Variants in CHMP5 observed in about 807,000 individuals in gnomAD.
CHMP5 encodes charged multivesicular body protein 5.
Under a neutral mutation model 33.0 loss-of-function variants are expected in CHMP5, and 17 were observed. The ratio of observed to expected loss-of-function variants is 0.52; its 90% CI spans 0.35 to 0.77. The LOEUF (loss-of-function observed/expected upper bound fraction) is 0.77, where lower values mean the gene tolerates loss of function less well. CHMP5 is among the 30% of genes least tolerant of loss of function. The probability of loss-of-function intolerance (pLI) is 0.01; values close to 1 mark genes in which losing one functional copy is unlikely to be tolerated. For missense variants in CHMP5, 216 were observed against 261.5 expected, an observed-to-expected ratio of 0.83 and a Z score of 1.20; for synonymous variants, 76 against 90.2, an observed-to-expected ratio of 0.84 and a Z score of 0.89.
In CHMP5 at chr9:33,281,978, G is replaced by A. The variant is rs1449956345; in HGVS notation, c.*1119G>A. On this transcript the variant is annotated 3_prime_UTR_variant, in exon 8 of 8. Coordinates refer to ENST00000223500, the MANE Select transcript of CHMP5 (RefSeq NM_016410.6). ...TCATTCAACTTGTTGCCAACAGCAT[G>A]GCCCCTCCAGCCTAGCTGGGTGCCT... 6.6e-6 allele frequency: 1 copy of A among 152,176 alleles called. No individual in the cohort carries two copies. 9.4% of individuals were successfully genotyped at this position (152,176 alleles called of 1,614,324 possible).
In CHMP5 at chr9:33,272,425, C is replaced by G. The variant is rs117341273; in HGVS notation, c.387+1202C>G. Among the ~76,000 whole-genome samples, 61 of 149,010 alleles carry G rather than the reference C, an allele frequency of 4.1e-4. 1 individual carries two copies. Among genetic ancestry groups the G allele is most frequent in the African/African-American group, 1.5e-3 (59 of 40,340 alleles). On this transcript the variant is annotated intron_variant, in intron 5 of 7. Transcript: ENST00000223500. The stretch of plus-strand genomic sequence containing the variant: ...AAAAAAAAAAAGAGAGAAAGCAGTA[C>G]AGCCTGATTCAAGCAGTGTTTGTTA...
intron 2 of CHMP5, 134 bp downstream of exon 2, chr9:33,266,248 G>A: frequency 5.9e-6 from 3 of 509,116 alleles, no homozygotes; most frequent in Non-Finnish European, 1.1e-5. Flanking sequence ...TGAGGCGGGT[G>A]GATCACGAGG....
chr9:33,281,070 T>G lies in CHMP5; in HGVS notation c.*211T>G, dbSNP rs1000666029. On this transcript the variant is annotated 3_prime_UTR_variant, in exon 8 of 8. Transcript: ENST00000223500. ...TAAAATTTGATTCCTTTTTTTCTTA[T>G]GAAAAACGAACTCAGTTTAAAAGTA... 4 of 449,104 alleles carry G rather than the reference T, an allele frequency of 8.9e-6. No homozygotes were observed. The Admixed American group carries it at 1.6e-4, about 18-fold the overall frequency. 27.8% of individuals were successfully genotyped at this position (449,104 alleles called of 1,614,324 possible).
chr9:33,267,311 C>T (rs1820738960), intron 2 of CHMP5, among the ~76,000 whole-genome samples: 1 of 152,196 alleles, frequency 6.6e-6, no homozygotes, highest in Non-Finnish European at 1.5e-5. Context: ...AAGCCCAAAC[C>T]ATGGTGGTAG....
chr9:33,280,031 G>A (rs1468962947), intron 7 of CHMP5, among the ~76,000 whole-genome samples: 1 of 152,004 alleles, frequency 6.6e-6, no homozygotes, highest in Non-Finnish European at 1.5e-5. Context: ...AGGCTGGAGT[G>A]CAGTGGCACA....
intron 5 of CHMP5, 135 bp downstream of exon 5, chr9:33,271,358 G>C: frequency 1.4e-6 from 1 of 690,782 alleles, no homozygotes; most frequent in Non-Finnish European, 2.5e-6. Context: ...GTAACTTCGA[G>C]AAAGGGTACC....
chr9:33,269,922 C>T (rs1185054998), intron 3 of CHMP5, among the ~76,000 whole-genome samples: 2 of 151,402 alleles, frequency 1.3e-5, no homozygotes, highest in African/African-American at 2.4e-5. Context: ...TGCAGTGAGC[C>T]GAGATCGTAC....
intron 6 of CHMP5, among the ~76,000 whole-genome samples, chr9:33,276,891 C>G (rs78943456): frequency 0.015 from 2,293 of 152,202 alleles, 36 homozygotes; most frequent in Middle Eastern, 0.027. Flanking sequence ...TCCTCTCCCT[C>G]AGAACAGCAA....
chr9:33,270,586 G>T (rs199987774), intron 3 of CHMP5, 37 bp from the exon 4 acceptor site: 1 of 1,450,072 alleles, frequency 6.9e-7, no homozygotes, highest in Non-Finnish European at 9.7e-7. Context: ...TTTCTATCTG[G>T]TTCATATATT....
At chr9:33,265,776 A>G (rs1820710299) in intron 1 of CHMP5, among the ~76,000 whole-genome samples, 1 of 152,096 alleles carries the variant, frequency 6.6e-6, no homozygotes, top group Non-Finnish European at 1.5e-5. Flanking sequence ...TTCTGCCCCA[A>G]CCCACTTGAA....
chr9:33,276,669 T>TGATA, intron 6 of CHMP5, 105 bp downstream of exon 6: 1 of 674,264 alleles, frequency 1.5e-6, no homozygotes, highest in Non-Finnish European at 2.6e-6. Flanking sequence ...CAGGATTTCC[T>TGATA]GAAGGTTAGT....
intron 5 of CHMP5, among the ~76,000 whole-genome samples, chr9:33,272,407 A>G (rs1820805072): frequency 6.6e-6 from 1 of 152,018 alleles, no homozygotes. Flanking sequence ...AAAAAAAAAA[A>G]AAAGAGAGAA....
At position 33,278,212 on chromosome 9, in the gene CHMP5, A is replaced by T. The variant is rs991750754; in HGVS notation, c.596A>T (p.Asp199Val). Reference protein sequence around the residue: ...APAIPEGVPTDTKNKDGVLVD... With the variant: ...APAIPEGVPTVTKNKDGVLVD... ...GCAATTCCAGAAGGTGTTCCCACTG[A>T]TACAAAAAACAAGGTGAAAGCTTTT... The change falls in exon 7 of 8, where the codon GAT (aspartate) becomes GTT (valine). Residue 199 changes from aspartate (D) to valine (V), a missense_variant. Transcript: ENST00000223500. 1.9e-6 allele frequency: 3 copies of T among 1,604,756 alleles called. No homozygotes were observed. The highest frequency in any genetic ancestry group is 1.7e-5 in the Admixed American group (1 of 59,650).
chr9:33,277,276 G>A (rs1341931640), intron 6 of CHMP5, among the ~76,000 whole-genome samples: 1 of 151,940 alleles, frequency 6.6e-6, no homozygotes, highest in Admixed American at 6.6e-5. Context: ...TAGGTGGTGG[G>A]AATTTAGCAC....
intron 3 of CHMP5, 112 bp from the exon 4 acceptor site, chr9:33,270,511 T>C (rs1201033110): frequency 1.1e-6 from 1 of 890,266 alleles, no homozygotes; most frequent in Non-Finnish European, 1.7e-6. Flanking sequence ...ATTTTTAAGT[T>C]TTTTGTTCCG....
chr9:33,280,140 C>T (rs1396592955), intron 7 of CHMP5, among the ~76,000 whole-genome samples: 2 of 152,050 alleles, frequency 1.3e-5, no homozygotes, highest in Non-Finnish European at 2.9e-5. Flanking sequence ...CCACACCTGG[C>T]TAATTTTTTT....
intron 5 of CHMP5, among the ~76,000 whole-genome samples, chr9:33,274,681 T>A (rs1353843805): frequency 2.6e-5 from 4 of 152,320 alleles, no homozygotes; most frequent in Middle Eastern, 3.4e-3. Context: ...GGTGGCGCGA[T>A]CTCGGCTCAC....
chr9:33,273,886 C>T (rs1280480614), intron 5 of CHMP5, among the ~76,000 whole-genome samples: 1 of 151,988 alleles, frequency 6.6e-6, no homozygotes, highest in Non-Finnish European at 1.5e-5. Context: ...ATAAGCTTGA[C>T]TTGATTAGCT....
Position 33,281,124 on chromosome 9 carries a change from C to A in CHMP5, c.*265C>A. Reference sequence around the variant, plus strand: ...TTAGCTCGTATGACTTGTTTTCATTCATTAATAATAATTTGAAATAAAACT... The same window carrying A: ...TTAGCTCGTATGACTTGTTTTCATTAATTAATAATAATTTGAAATAAAACT... On this transcript the variant is annotated 3_prime_UTR_variant, in exon 8 of 8. Transcript: ENST00000223500. 1 of 359,656 alleles carries A rather than the reference C, an allele frequency of 2.8e-6. No individual in the cohort carries two copies. The highest frequency in any genetic ancestry group is 5.0e-6 in the Non-Finnish European group (1 of 201,708). The allele number at this position is 359,656 out of a possible 1,614,324, so 22.3% of individuals were successfully genotyped here.
Sources: allele counts gnomAD v4.1 joint callset (sites outside exome capture counted in the v4.1 genomes callset), GRCh38; gene constraint gnomAD v4.1.1; transcripts MANE v1.5; gene names NCBI Gene and HGNC (gene_info 2026-07-23, HGNC 2026-07-21).